The following KRT84 variants were observed in gnomAD, a reference collection of about 807,000 sequenced individuals.
KRT84 encodes keratin, type II cuticular Hb4.
A neutral mutation model predicts 49.0 loss-of-function variants in KRT84; 38 were observed. The observed-to-expected ratio is 0.78, with a 90% CI of 0.60 to 1.02. The LOEUF (loss-of-function observed/expected upper bound fraction) is 1.02. Among genes scored for constraint, KRT84 ranks in the 50% least tolerant of loss-of-function variants. The pLI, the probability that KRT84 is intolerant of heterozygous loss-of-function variation, is 0.00. For synonymous variants in KRT84, 334 were observed against 312.8 expected (o/e 1.07, Z -0.72); for missense variants, 860 against 788.6 (o/e 1.09, Z -1.08).
At chr12:52,378,952 G>A (rs1052579318) in intron 8 of KRT84, among the ~76,000 whole-genome samples, 1 of 152,120 alleles carries the variant, frequency 6.6e-6, no homozygotes, top group African/African-American at 2.4e-5. Context: ...TGCTAGACCA[G>A]CCCCATCCAT....
intron 8 of KRT84, among the ~76,000 whole-genome samples, chr12:52,378,823 C>A (rs1326589935): frequency 6.6e-6 from 1 of 152,170 alleles, no homozygotes; most frequent in Non-Finnish European, 1.5e-5. Flanking sequence ...CACAGGAAAC[C>A]CCTCCAACAC....
chr12:52,382,525 T>C lies in KRT84; in HGVS notation c.824A>G (p.Asp275Gly). ...NEFVALKKDV[D>G]AAFMNKSDLE... ...ATCAGACTTGTTCATGAAAGCTGCA[T>C]CCACATCCTGTATAAAACAGAGAAG... Residue 275 changes from aspartate to glycine, a missense_variant, in exon 4 of 9, where the codon GAT becomes GGT. By Grantham distance (94) the Asp-to-Gly change is moderately conservative. Coordinates refer to ENST00000257951, the MANE Select transcript of KRT84 (RefSeq NM_033045.4). 1 of 1,612,770 alleles carries C rather than the reference T, an allele frequency of 6.2e-7. No individual in the cohort carries two copies. Among genetic ancestry groups the C allele is most frequent in the Admixed American group, 1.7e-5 (1 of 60,024 alleles).
In KRT84 at chr12:52,381,164, G is replaced by C. The variant is rs747600631; in HGVS notation, c.1119C>G (p.Asn373Lys). ...MQVTAGQHCD[N>K]LRNIRNEINE... ...TGATCTCGTTCCGTATGTTGCGCAG[G>C]TTGTCACAGTGTTGGCCAGCTGTCA... The change falls in exon 6 of 9, where the codon AAC becomes AAG. Residue 373 changes from asparagine to lysine, a missense_variant. By Grantham distance (94) the Asn-to-Lys change is moderately conservative. Coordinates refer to ENST00000257951, the MANE Select transcript of KRT84 (RefSeq NM_033045.4). 4 of 1,614,062 alleles carry C rather than the reference G, an allele frequency of 2.5e-6. No individual in the cohort carries two copies. Among genetic ancestry groups the C allele is most frequent in the Non-Finnish European group, 3.4e-6 (4 of 1,180,048 alleles).
chr12:52,379,731 A>C, intron 8 of KRT84, 145 bp downstream of exon 8: 1 of 702,728 alleles, frequency 1.4e-6, no homozygotes, highest in Non-Finnish European at 2.6e-6. Flanking sequence ...GATGCTCCCC[A>C]TCCAGGGCTG....
At chr12:52,382,617 G>C (rs1431244953) in intron 3 of KRT84, 85 bp from the exon 4 acceptor site, 1 of 1,084,918 alleles carries the variant, frequency 9.2e-7, no homozygotes. Context: ...GTGCAAAGAG[G>C]CAGCCACTTC....
chr12:52,383,827 T>C, intron 1 of KRT84, 29 bp from the exon 2 acceptor site: 1 of 1,578,736 alleles, frequency 6.3e-7, no homozygotes, highest in Non-Finnish European at 8.7e-7. Flanking sequence ...GAAATGGCAT[T>C]TGAAGTGCTT....
rs771340456 is a variant in KRT84, at chr12:52,380,373, C to T, written c.1414G>A (p.Glu472Lys). The change falls in exon 7 of 9, where the codon GAG becomes AAG. Residue 472 changes from glutamate (E) to lysine (K), a missense_variant. Glu to Lys is a moderately conservative substitution (Grantham distance 56). Transcript: ENST00000257951. ...ACTGAGAGTACTCACCGGCTCTCCT[C>T]GCCCTCCAGCAGGCGCCTGTAGGTG... is the stretch of plus-strand genomic sequence containing the variant. ...IATYRRLLEG[E>K]ESRLCEGVGP... 16 of 1,613,852 alleles carry T rather than the reference C, an allele frequency of 9.9e-6. No homozygotes were observed. The highest frequency in any genetic ancestry group is 4.0e-5 in the African/African-American group (3 of 74,944).
At position 52,383,639 on chromosome 12, in the gene KRT84, G is replaced by A. The variant is rs768055461; in HGVS notation, c.706C>T (p.Gln236Ter). The change falls in exon 2 of 9, where the codon CAG (glutamine) becomes TAG (stop). Residue 236 changes from glutamine to a stop codon, truncating the protein, a stop_gained. Transcript: ENST00000257951. LOFTEE classifies it high-confidence loss of function. ...TCCTGCAGGTGGTTCCTCTCAGCCTGGAGCCGGGCCTGATCACTGACCAGC... is the reference window on the plus strand; with the variant it reads ...TCCTGCAGGTGGTTCCTCTCAGCCTAGAGCCGGGCCTGATCACTGACCAGC... ...EVLVSDQARL[Q>*]AERNHLQDVL... 1 of 1,613,830 alleles carries A rather than the reference G, an allele frequency of 6.2e-7. No homozygotes were observed. Among genetic ancestry groups the A allele is most frequent in the African/African-American group, 1.3e-5 (1 of 74,930 alleles).
In KRT84 at chr12:52,380,551, G is replaced by C; in HGVS notation, c.1236C>G (p.Ala412=). ...TGAGGGTCGCCTCGCCCTGCTGCTC[G>C]GCCTCGGCCACTGCAGCCTCCAACT... ...RAKLEAAVAE[A]EQQGEATLSD... is the part of the protein sequence containing the mutation. The change falls in exon 7 of 9, where the codon GCC becomes GCG. Residue 412 remains alanine (A), a synonymous_variant. Coordinates refer to ENST00000257951, the MANE Select transcript of KRT84 (RefSeq NM_033045.4). The C allele has an allele frequency of 6.2e-7, 1 of 1,613,400 alleles. No homozygotes were observed. The highest frequency in any genetic ancestry group is 1.1e-5 in the South Asian group (1 of 90,998).
In KRT84 at chr12:52,382,963, G is replaced by A. The variant is rs184702402; in HGVS notation, c.816+42C>T. On this transcript the variant is annotated intron_variant, in intron 3 of 8. Transcript: ENST00000257951. Reference sequence around the variant, plus strand: ...CTGGGGAGTCTTGAGAACATTTGCCGGTCCAGAGGAGAAGTTGGCCTGGTC... The same window carrying A: ...CTGGGGAGTCTTGAGAACATTTGCCAGTCCAGAGGAGAAGTTGGCCTGGTC... 8.9e-6 allele frequency: 14 copies of A among 1,570,846 alleles called. No homozygotes were observed. In the South Asian group the frequency reaches 1.0e-4, roughly 11 times the overall value.
chr12:52,382,566 C>T (rs1939504128), intron 3 of KRT84, 34 bp from the exon 4 acceptor site: 1 of 1,543,372 alleles, frequency 6.5e-7, no homozygotes, highest in Admixed American at 1.7e-5. Flanking sequence ...ATACTCATCG[C>T]CTGGGCACTG....
chr12:52,384,733 T>C (rs1592148789), intron 1 of KRT84, among the ~76,000 whole-genome samples: 1 of 152,310 alleles, frequency 6.6e-6, no homozygotes, highest in East Asian at 1.9e-4. Context: ...GAGACATTTC[T>C]AAGTGACCAG....
chr12:52,381,904 T>C (rs1225595883), intron 4 of KRT84, among the ~76,000 whole-genome samples: 2 of 152,174 alleles, frequency 1.3e-5, no homozygotes, highest in Admixed American at 6.5e-5. Flanking sequence ...TTTTAGCACA[T>C]GGTGGTCTAG....
chr12:52,380,917 C>T (rs959031306), intron 6 of KRT84, among the ~76,000 whole-genome samples, 163 bp downstream of exon 6: 4 of 152,268 alleles, frequency 2.6e-5, no homozygotes, highest in Non-Finnish European at 5.9e-5. Flanking sequence ...CTCTCCTTCC[C>T]TTCCATATTT....
upstream of KRT84, among the ~76,000 whole-genome samples, chr12:52,386,120 G>A (rs1162572093): frequency 6.6e-6 from 1 of 152,166 alleles, no homozygotes; most frequent in Non-Finnish European, 1.5e-5. Context: ...AGAAAATACA[G>A]TTTGTTGCAT....
Position 52,383,016 on chromosome 12 carries a change from C to G in KRT84, c.805G>C (p.Ala269Pro). Residue 269 changes from alanine (A) to proline (P), a missense_variant, in exon 3 of 9, where the codon GCT (alanine) becomes CCT (proline). Physicochemically the swap from Ala to Pro is conservative, Grantham distance 27. Coordinates refer to ENST00000257951, the MANE Select transcript of KRT84 (RefSeq NM_033045.4). ...CRANAENEFV[A>P]LKKDVDAAFM... ...TGGTTCCCCCTTACCTTCTTCAGAG[C>G]CACAAACTCATTCTCAGCATTGGCC... 6.2e-7 allele frequency: 1 copy of G among 1,613,878 alleles called. No individual in the cohort carries two copies. Among genetic ancestry groups the G allele is most frequent in the Non-Finnish European group, 8.5e-7 (1 of 1,179,916 alleles).
intron 7 of KRT84, 39 bp from the exon 8 acceptor site, chr12:52,379,946 T>C (rs530799690): frequency 1.3e-6 from 2 of 1,584,536 alleles, no homozygotes; most frequent in Admixed American, 1.7e-5. Flanking sequence ...ACATGCACTA[T>C]TGTTTCCTGA....
At position 52,380,551 on chromosome 12, in the gene KRT84, G is replaced by A. The variant is rs1017673071; in HGVS notation, c.1236C>T (p.Ala412=). 24 of 1,613,282 alleles carry A rather than the reference G, an allele frequency of 1.5e-5. No homozygotes were observed. The highest frequency in any genetic ancestry group is 1.9e-5 in the Non-Finnish European group (23 of 1,179,680). ...RAKLEAAVAE[A]EQQGEATLSD... The stretch of plus-strand genomic sequence containing the variant: ...TGAGGGTCGCCTCGCCCTGCTGCTC[G>A]GCCTCGGCCACTGCAGCCTCCAACT... The change falls in exon 7 of 9, where the codon GCC becomes GCT. Residue 412 remains alanine (A), a synonymous_variant. Coordinates refer to ENST00000257951, the MANE Select transcript of KRT84 (RefSeq NM_033045.4).
rs931239288 is a variant in KRT84 at position 52,380,428 on chromosome 12, A to G, written c.1359T>C (p.Asn453=). 1.1e-5 allele frequency: 18 copies of G among 1,614,164 alleles called. No individual in the cohort carries two copies. Among genetic ancestry groups the G allele is most frequent in the Non-Finnish European group, 1.5e-5 (18 of 1,180,036 alleles). The change falls in exon 7 of 9, where the codon AAT becomes AAC. Residue 453 remains asparagine, a synonymous_variant. Coordinates refer to ENST00000257951, the MANE Select transcript of KRT84 (RefSeq NM_033045.4). ...TCTCGATGTCCAGGCCCAGCTTGGC[A>G]TTCATCAGCTCCTGGTACTCGCACA... ...RQLCEYQELM[N]AKLGLDIEIA...
Sources: gnomAD v4.1 joint callset for allele counts (sites outside exome capture counted in the v4.1 genomes callset) on GRCh38, gnomAD v4.1.1 for gene constraint, MANE v1.5 for transcripts, NCBI Gene and HGNC (gene_info 2026-07-23, HGNC 2026-07-21) for gene names.